The following GALNS variants were observed in gnomAD, a reference collection of about 807,000 sequenced individuals.
GALNS encodes galactosamine (N-acetyl)-6-sulfatase, also known as N-acetylgalactosamine-6-sulfatase.
Under a neutral mutation model 65.9 loss-of-function variants are expected in GALNS, and 65 were observed. That is an observed-to-expected ratio of 0.99 (90% CI 0.81 to 1.21). The LOEUF is 1.21. Ranked by LOEUF, GALNS falls within the 50% of genes most tolerant of loss-of-function variation. The pLI is 0.00. For missense variants in GALNS, 776 were observed against 700.7 expected, an observed-to-expected ratio of 1.11 and a Z score of -1.21; for synonymous variants, 346 against 288.9, an observed-to-expected ratio of 1.20 and a Z score of -2.00.
chr16:88,838,770 C>T (rs982375660), intron 4 of GALNS: 2 of 152,312 alleles, frequency 1.3e-5, no homozygotes, highest in Non-Finnish European at 2.9e-5. Flanking sequence ...GGGCGGGTCT[C>T]ACGTCAGTTG....
intron 1 of GALNS, chr16:88,855,899 C>A (rs961142426): frequency 3.8e-6 from 2 of 523,646 alleles, no homozygotes; most frequent in Non-Finnish European, 6.9e-6. Context: ...GTCTGGTACT[C>A]GGTGTCGTCC....
At chr16:88,815,993 A>C (rs1909581471) in intron 13 of GALNS, 1 of 985,382 alleles carries the variant, frequency 1.0e-6, no homozygotes, top group Non-Finnish European at 1.2e-6. Flanking sequence ...TGGCGGGGAC[A>C]GAGGGCAGGG....
chr16:88,830,835 TTC>T (rs1911425600), intron 9 of GALNS, among the ~76,000 whole-genome samples: 1 of 152,060 alleles, frequency 6.6e-6, no homozygotes, highest in Non-Finnish European at 1.5e-5. Flanking sequence ...GCTGCTGCTG[TTC>T]TCTGAGTGTC....
chr16:88,843,104 G>A (rs753336146), intron 1 of GALNS: 35 of 1,480,122 alleles, frequency 2.4e-5, no homozygotes, highest in Non-Finnish European at 3.1e-5. Context: ...CTCCACTTCT[G>A]CTTGGTCTTC....
chr16:88,837,001 A>C (rs927540888), intron 5 of GALNS, among the ~76,000 whole-genome samples: 4 of 152,082 alleles, frequency 2.6e-5, no homozygotes, highest in Non-Finnish European at 4.4e-5. Context: ...CGACTCCCAC[A>C]CCTCCACGGG....
At chr16:88,818,409 C>CCGTCT (rs1909864642) in intron 12 of GALNS, among the ~76,000 whole-genome samples, 1 of 151,552 alleles carries the variant, frequency 6.6e-6, no homozygotes, top group African/African-American at 2.4e-5. Context: ...CCATCCTGTC[C>CCGTCT]CTGCCTGTGA....
chr16:88,820,672 G>T (rs1910114892), intron 12 of GALNS, among the ~76,000 whole-genome samples: 1 of 152,234 alleles, frequency 6.6e-6, no homozygotes, highest in African/African-American at 2.4e-5. Flanking sequence ...GGCTGTGGTG[G>T]GTGGGACTGT....
At position 88,856,935 on chromosome 16, in the gene GALNS, G is replaced by T. The variant is rs1244075467; in HGVS notation, c.-58C>A. 4 of 1,466,490 alleles carry T rather than the reference G, an allele frequency of 2.7e-6. No homozygotes were observed. The highest frequency in any genetic ancestry group is 1.5e-5 in the African/African-American group (1 of 67,500). 90.8% of individuals were successfully genotyped at this position (1,466,490 alleles called of 1,614,324 possible). A position where few individuals can be genotyped will look rare whatever the true frequency, so the allele number is the denominator to read the frequency against. ...CGAGCCGACCTAGCGAGCGTCCGCC[G>T]GCCCTTCCGGCTGGGCTGCGGGGCG... On this transcript the variant is annotated 5_prime_UTR_variant, in exon 1 of 14. Transcript: ENST00000268695.
chr16:88,856,789 G>A lies in GALNS; in HGVS notation c.89C>T (p.Pro30Leu), dbSNP rs1298604798. The A allele has an allele frequency of 2.6e-6, 4 of 1,543,674 alleles. No individual in the cohort carries two copies. The highest frequency in any genetic ancestry group is 3.5e-6 in the Non-Finnish European group (4 of 1,155,570). Residue 30 changes from proline (P) to leucine (L), a missense_variant, in exon 1 of 14, where the codon CCC becomes CTC. Physicochemically the swap from Pro to Leu is moderately conservative, Grantham distance 98. Transcript: ENST00000268695. ...AGMGASGAPQ[P>L]PNILLLLMDD... ...CATGAGCAGGAGCAGGATGTTGGGG[G>A]GCTGCGGGGCGCCCGAGGCCCCCAT...
chr16:88,823,577 G>A (rs1464250836), intron 11 of GALNS, among the ~76,000 whole-genome samples: 11 of 3,196 alleles, frequency 3.4e-3, no homozygotes, highest in Non-Finnish European at 5.4e-3. Context: ...CGGCAATGCC[G>A]GGGACCGATG....
chr16:88,827,715 G>T (rs1474570141), intron 9 of GALNS, among the ~76,000 whole-genome samples: 3 of 152,218 alleles, frequency 2.0e-5, no homozygotes, highest in Non-Finnish European at 4.4e-5. Context: ...CAAAGTGCTG[G>T]GATTACAGGC....
intron 1 of GALNS, among the ~76,000 whole-genome samples, chr16:88,851,268 C>T (rs950997721): frequency 3.3e-5 from 5 of 152,154 alleles, no homozygotes; most frequent in Non-Finnish European, 7.3e-5. Context: ...TATCCCAACA[C>T]TTTGGGAGGC....
intron 1 of GALNS, among the ~76,000 whole-genome samples, chr16:88,846,937 A>T (rs183772756): frequency 1.3e-5 from 2 of 152,194 alleles, no homozygotes; most frequent in East Asian, 3.9e-4. Flanking sequence ...GTTACTGAGA[A>T]GCCCACTTAG....
intron 13 of GALNS, chr16:88,817,462 C>A (rs1439799568): frequency 1.0e-5 from 10 of 985,220 alleles, no homozygotes; most frequent in Non-Finnish European, 1.1e-5. Flanking sequence ...TGGGGCTGGC[C>A]CAGCATGAAG....
chr16:88,849,007 C>T (rs991672630), intron 1 of GALNS, among the ~76,000 whole-genome samples: 7 of 152,212 alleles, frequency 4.6e-5, no homozygotes, highest in African/African-American at 1.2e-4. Flanking sequence ...CCCCTCCTAA[C>T]GTGTGGAGTC....
intron 1 of GALNS, chr16:88,856,413 C>T: frequency 1.4e-6 from 1 of 701,338 alleles, no homozygotes; most frequent in Non-Finnish European, 2.6e-6. Context: ...AAAGGTCAGA[C>T]GGGGGAGGCA....
chr16:88,826,410 G>A (rs1158287594), intron 10 of GALNS, among the ~76,000 whole-genome samples: 1 of 152,010 alleles, frequency 6.6e-6, no homozygotes, highest in Non-Finnish European at 1.5e-5. Context: ...GGCGGCATGT[G>A]CCCGGGTACA....
intron 5 of GALNS, 147 bp from the exon 6 acceptor site, chr16:88,836,414 G>A: frequency 1.4e-6 from 1 of 726,386 alleles, no homozygotes; most frequent in Non-Finnish European, 2.4e-6. Context: ...CCAGCATTTT[G>A]GGAGGCTGAG....
Position 88,855,529 on chromosome 16 carries a change from A to G in GALNS, c.120+1229T>C, listed in dbSNP as rs79508660. On this transcript the variant is annotated intron_variant, in intron 1 of 13. Coordinates refer to ENST00000268695, the MANE Select transcript of GALNS (RefSeq NM_000512.5). Reference sequence around the variant, plus strand: ...GTGCTCTGGAAAGCAGTCACTGCACACAAATAAGACATATGAGATGGAAAA... The same window carrying G: ...GTGCTCTGGAAAGCAGTCACTGCACGCAAATAAGACATATGAGATGGAAAA... The G allele has an allele frequency of 2.2e-3, 1,559 of 702,380 alleles. 18 individuals carry two copies. The highest frequency in any genetic ancestry group is 0.022 in the African/African-American group (1,261 of 57,376). 43.5% of individuals were successfully genotyped at this position (702,380 alleles called of 1,614,324 possible).
Sources: allele counts gnomAD v4.1 joint callset (sites outside exome capture counted in the v4.1 genomes callset), GRCh38; gene constraint gnomAD v4.1.1; transcripts MANE v1.5; gene names NCBI Gene and HGNC (gene_info 2026-07-23, HGNC 2026-07-21).